The following EXOC6B variants were observed in gnomAD, a reference collection of about 807,000 sequenced individuals.
The protein encoded by EXOC6B is SEC15 homolog B.
EXOC6B carries 54 observed loss-of-function variants against 113.5 expected under a neutral mutation model. The observed-to-expected ratio is 0.48, with a 90% CI of 0.38 to 0.60. The LOEUF (loss-of-function observed/expected upper bound fraction) is 0.60, where lower values mean the gene tolerates loss of function less well. Among genes scored for constraint, EXOC6B ranks in the 20% least tolerant of loss-of-function variants. EXOC6B has a pLI of 0.00. For synonymous variants in EXOC6B, 357 were observed against 339.0 expected (o/e 1.05, Z -0.58); for missense variants, 797 against 977.5 (o/e 0.82, Z 2.46).
chr2:72,274,647 A>C (rs939407069), intron 20 of EXOC6B, among the ~76,000 whole-genome samples: 2 of 152,186 alleles, frequency 1.3e-5, no homozygotes, highest in African/African-American at 2.4e-5. Flanking sequence ...CTTCAGCGTC[A>C]CTTATACACA....
intron 18 of EXOC6B, among the ~76,000 whole-genome samples, chr2:72,441,459 T>A (rs1362482694): frequency 6.6e-6 from 1 of 150,912 alleles, no homozygotes; most frequent in Non-Finnish European, 1.5e-5. Context: ...TAAAGAAACT[T>A]TTTTTGAAAA....
At chr2:72,803,124 A>G (rs1248183547) in intron 1 of EXOC6B, among the ~76,000 whole-genome samples, 2 of 152,222 alleles carry the variant, frequency 1.3e-5, no homozygotes, top group Non-Finnish European at 2.9e-5. Flanking sequence ...AAAGACCCCA[A>G]GCATATTCAA....
intron 20 of EXOC6B, among the ~76,000 whole-genome samples, chr2:72,266,721 T>G (rs954359812): frequency 2.6e-5 from 4 of 152,206 alleles, no homozygotes; most frequent in Non-Finnish European, 5.9e-5. Context: ...TGGCTTAGGA[T>G]TGACTTGGTG....
intron 8 of EXOC6B, among the ~76,000 whole-genome samples, chr2:72,547,617 T>C (rs922579410): frequency 1.3e-5 from 2 of 152,160 alleles, no homozygotes; most frequent in South Asian, 4.1e-4. Flanking sequence ...CTTCCAGTGA[T>C]AGAAGGGTGA....
chr2:72,617,915 T>C (rs1671503390), intron 6 of EXOC6B, among the ~76,000 whole-genome samples: 1 of 152,172 alleles, frequency 6.6e-6, no homozygotes, highest in Non-Finnish European at 1.5e-5. Flanking sequence ...GAGACTATTT[T>C]TTTAGACCCT....
chr2:72,422,679 T>C (rs1009034452), intron 18 of EXOC6B, among the ~76,000 whole-genome samples: 2 of 152,052 alleles, frequency 1.3e-5, no homozygotes, highest in Non-Finnish European at 2.9e-5. Context: ...AGAACCTTTA[T>C]GTCTAGCTCA....
chr2:72,788,723 A>G (rs991109971), intron 1 of EXOC6B, among the ~76,000 whole-genome samples: 3 of 152,152 alleles, frequency 2.0e-5, no homozygotes, highest in Non-Finnish European at 4.4e-5. Context: ...GCGTGAGCCT[A>G]GGAGGTCGAA....
At chr2:72,187,528 C>T (rs534743600) in intron 20 of EXOC6B, among the ~76,000 whole-genome samples, 86 of 152,116 alleles carry the variant, frequency 5.7e-4, no homozygotes, top group Non-Finnish European at 9.3e-4. Flanking sequence ...CAGGGTGTCC[C>T]GGCAAGTATT....
At position 72,825,923 on chromosome 2, in the gene EXOC6B, C is replaced by T; in HGVS notation, c.-13G>A. 6.2e-7 allele frequency: 1 copy of T among 1,610,918 alleles called. No homozygotes were observed. The highest frequency in any genetic ancestry group is 8.5e-7 in the Non-Finnish European group (1 of 1,179,210). ...TACCCCGCTCCATAGACTGGGGGCG[C>T]CCCGCAGCGCGTCCCCTCCGTCGGC... On this transcript the variant is annotated 5_prime_UTR_variant, in exon 1 of 22. Transcript: ENST00000272427. This position sits in a 1 kb window ranked among gnomAD's most constrained non-coding sequence, Gnocchi z 4.4.
At chr2:72,531,438 A>C (rs1373755007) in intron 8 of EXOC6B, among the ~76,000 whole-genome samples, 1 of 152,198 alleles carries the variant, frequency 6.6e-6, no homozygotes, top group African/African-American at 2.4e-5. Context: ...GTACCGGCAA[A>C]TCAAAATGTC....
intron 6 of EXOC6B, among the ~76,000 whole-genome samples, chr2:72,636,847 A>C (rs1436038454): frequency 6.6e-6 from 1 of 152,140 alleles, no homozygotes; most frequent in African/African-American, 2.4e-5. Flanking sequence ...GAAAAAGCAC[A>C]CATATCAGAA....
intron 11 of EXOC6B, among the ~76,000 whole-genome samples, chr2:72,501,189 A>G (rs1348735440): frequency 6.6e-6 from 1 of 152,178 alleles, no homozygotes; most frequent in Non-Finnish European, 1.5e-5. Flanking sequence ...CAAATCTTAC[A>G]TTAAAATGTG....
Position 72,480,725 on chromosome 2 carries a change from G to A in EXOC6B, c.1691C>T (p.Thr564Ile). 3 of 1,600,040 alleles carry A rather than the reference G, an allele frequency of 1.9e-6. No homozygotes were observed. Among genetic ancestry groups the A allele is most frequent in the Non-Finnish European group, 2.6e-6 (3 of 1,172,446 alleles). ...TELVQIIINTTHLEKSCKYLE... is the reference protein window; with the variant it reads ...TELVQIIINTIHLEKSCKYLE... ...GTACTTACAGGATTTCTCCAAATGT[G>A]TTGTATTGATAATAATCTGAACAAG... The change falls in exon 17 of 22, where the codon ACA becomes ATA. Residue 564 changes from threonine (T) to isoleucine (I), a missense_variant. Transcript: ENST00000272427.
chr2:72,193,727 C>G (rs1404397829), intron 20 of EXOC6B, among the ~76,000 whole-genome samples: 2 of 152,118 alleles, frequency 1.3e-5, no homozygotes, highest in African/African-American at 4.8e-5. Flanking sequence ...AGCAAGGAAT[C>G]TGACATGGCT....
chr2:72,585,614 A>G (rs1429927808), intron 6 of EXOC6B, among the ~76,000 whole-genome samples: 1 of 151,998 alleles, frequency 6.6e-6, no homozygotes, highest in African/African-American at 2.4e-5. Flanking sequence ...GACAAAGGTG[A>G]TATTACAAGA....
chr2:72,560,157 G>A (rs1703813597), intron 7 of EXOC6B, among the ~76,000 whole-genome samples: 1 of 151,900 alleles, frequency 6.6e-6, no homozygotes, highest in Admixed American at 6.6e-5. Flanking sequence ...GACATCAAAA[G>A]AGAAAGTAAA....
chr2:72,215,177 G>T (rs371213273), intron 20 of EXOC6B, among the ~76,000 whole-genome samples: 1 of 152,166 alleles, frequency 6.6e-6, no homozygotes, highest in Non-Finnish European at 1.5e-5. Flanking sequence ...CTCTTGGCAG[G>T]CTGAACACCA....
chr2:72,296,828 C>T (rs1686166748), intron 20 of EXOC6B, among the ~76,000 whole-genome samples: 1 of 152,008 alleles, frequency 6.6e-6, no homozygotes, highest in African/African-American at 2.4e-5. Flanking sequence ...AATGAAATTC[C>T]CCAAGGAAGA....
chr2:72,230,675 G>A (rs972469092), intron 20 of EXOC6B, among the ~76,000 whole-genome samples: 1 of 152,160 alleles, frequency 6.6e-6, no homozygotes, highest in Non-Finnish European at 1.5e-5. Flanking sequence ...ACAATAGCTG[G>A]TAAATAAGAT....
Sources: allele counts gnomAD v4.1 joint callset (sites outside exome capture counted in the v4.1 genomes callset), GRCh38; gene constraint gnomAD v4.1.1; non-coding constraint Gnocchi (gnomAD v3.1); transcripts MANE v1.5; gene names NCBI Gene and HGNC (gene_info 2026-07-23, HGNC 2026-07-21).